Variants in CNTN1 observed in about 807,000 individuals in gnomAD.
The protein encoded by CNTN1 is contactin-1.
In CNTN1, 38 loss-of-function variants were observed where a neutral mutation model predicts 126.4. The ratio of observed to expected loss-of-function variants is 0.30; its 90% CI spans 0.23 to 0.39. The LOEUF (loss-of-function observed/expected upper bound fraction) is 0.39, where lower values mean the gene tolerates loss of function less well. Among genes scored for constraint, CNTN1 ranks in the 10% least tolerant of loss-of-function variants. The pLI, the probability that CNTN1 is intolerant of heterozygous loss-of-function variation, is 1.00. For synonymous variants in CNTN1, 413 were observed against 422.6 expected (o/e 0.98, Z 0.28); for missense variants, 1,009 against 1,248.4 (o/e 0.81, Z 2.89).
At position 41,016,915 on chromosome 12, in the gene CNTN1, C is replaced by T. The variant is rs761617535; in HGVS notation, c.2418C>T (p.Asp806=). The change falls in exon 19 of 24, where the codon GAC becomes GAT. Residue 806 remains aspartate (D), a splice_region_variant and synonymous_variant. Coordinates refer to ENST00000551295, the MANE Select transcript of CNTN1 (RefSeq NM_001843.4). The part of the protein sequence containing the change: ...SLVAVINSAQ[D]APSEAPTEVG... ...TAGCAGTCATTAATTCAGCACAAGA[C>T]GGTAGGTGAAAGAAAGACCTTCTTA... 1.8e-5 allele frequency: 29 copies of T among 1,611,982 alleles called. No individual in the cohort carries two copies. Among genetic ancestry groups the T allele is most frequent in the South Asian group, 5.5e-5 (5 of 91,024 alleles).
At chr12:40,850,857 C>T (rs1328130163) in intron 1 of CNTN1, among the ~76,000 whole-genome samples, 1 of 152,104 alleles carries the variant, frequency 6.6e-6, no homozygotes, top group African/African-American at 2.4e-5. Context: ...GATCAGTCCC[C>T]ATTTTATTCT....
intron 1 of CNTN1, among the ~76,000 whole-genome samples, chr12:40,749,026 G>A (rs1234780975): frequency 6.6e-6 from 1 of 152,038 alleles, no homozygotes; most frequent in South Asian, 2.1e-4. Flanking sequence ...TTTGATATTA[G>A]TGAATTATTT....
chr12:40,874,394 C>G (rs1476415360), intron 1 of CNTN1, among the ~76,000 whole-genome samples: 1 of 152,052 alleles, frequency 6.6e-6, no homozygotes, highest in Non-Finnish European at 1.5e-5. Flanking sequence ...ATTATAAACA[C>G]AATTGGAGCA....
At chr12:41,045,419 A>G (rs1054734237) in intron 23 of CNTN1, among the ~76,000 whole-genome samples, 14 of 152,152 alleles carry the variant, frequency 9.2e-5, no homozygotes, top group African/African-American at 3.4e-4. Flanking sequence ...CTGAGGTTTG[A>G]CACTTATTCA....
chr12:40,834,698 GA>G (rs1214326281), intron 1 of CNTN1, among the ~76,000 whole-genome samples: 2 of 152,082 alleles, frequency 1.3e-5, no homozygotes, highest in African/African-American at 4.8e-5. Context: ...AAATCGACAA[GA>G]ACAATAGAAA....
chr12:40,778,587 T>C (rs1158784608), intron 1 of CNTN1, among the ~76,000 whole-genome samples: 1 of 151,842 alleles, frequency 6.6e-6, no homozygotes, highest in Non-Finnish European at 1.5e-5. Context: ...TCATTTTGCC[T>C]TTCAAAGTAT....
intron 15 of CNTN1, among the ~76,000 whole-genome samples, chr12:40,973,489 G>A (rs940990275): frequency 1.3e-5 from 2 of 151,968 alleles, no homozygotes; most frequent in African/African-American, 2.4e-5. Flanking sequence ...AAAGTTTTTT[G>A]TTTCCTTAAC....
Position 40,795,282 on chromosome 12 carries a change from C to G in CNTN1, c.-77+102690C>G, listed in dbSNP as rs1940375144. 1.4e-4 allele frequency among the ~76,000 whole-genome samples: 3 copies of G among 22,012 alleles called. No individual in the cohort carries two copies. In the South Asian group the frequency reaches 8.4e-3, roughly 62 times the overall value. 14.4% of individuals were successfully genotyped at this position (22,012 alleles called of 152,430 possible). ...AAACATGTCTACATGTATACACACA[C>G]ACACACACACACACACACACACACA... On this transcript the variant is annotated intron_variant, in intron 1 of 23. Coordinates refer to ENST00000551295, the MANE Select transcript of CNTN1 (RefSeq NM_001843.4).
At chr12:40,991,644 A>G (rs1948097886) in intron 16 of CNTN1, among the ~76,000 whole-genome samples, 1 of 152,176 alleles carries the variant, frequency 6.6e-6, no homozygotes, top group African/African-American at 2.4e-5. Flanking sequence ...CCTGGCTAAC[A>G]CGGTGAAATG....
Position 40,810,555 on chromosome 12 carries a change from A to T in CNTN1, c.-76-97802A>T, listed in dbSNP as rs539670469. ...CTCCCCATTTCCACCACACCCTAAC[A>T]TCTAGTACCTAACCTTCTATTCTGT... On this transcript the variant is annotated intron_variant, in intron 1 of 23. Coordinates refer to ENST00000551295, the MANE Select transcript of CNTN1 (RefSeq NM_001843.4). Among the ~76,000 whole-genome samples the T allele has an allele frequency of 1.2e-3, 174 of 150,776 alleles. 1 individual carries two copies. The highest frequency in any genetic ancestry group is 4.1e-3 in the African/African-American group (170 of 40,994).
chr12:40,817,997 C>G (rs1941313864), intron 1 of CNTN1, among the ~76,000 whole-genome samples: 2 of 152,154 alleles, frequency 1.3e-5, no homozygotes, highest in South Asian at 4.1e-4. Flanking sequence ...GGCCCCCCAT[C>G]TCTTCTGGCT....
At chr12:41,065,620 G>C (rs552958386) in intron 23 of CNTN1, among the ~76,000 whole-genome samples, 1 of 152,150 alleles carries the variant, frequency 6.6e-6, no homozygotes, top group Non-Finnish European at 1.5e-5. Context: ...TTCTGAAGTG[G>C]GAATAGGAGA....
intron 23 of CNTN1, among the ~76,000 whole-genome samples, chr12:41,063,161 T>A (rs1359572625): frequency 6.6e-6 from 1 of 152,224 alleles, no homozygotes; most frequent in Non-Finnish European, 1.5e-5. Flanking sequence ...TAAAAATGGA[T>A]CCAGTACTCT....
chr12:40,824,086 G>A (rs1227200744), intron 1 of CNTN1, among the ~76,000 whole-genome samples: 1 of 151,980 alleles, frequency 6.6e-6, no homozygotes, highest in Non-Finnish European at 1.5e-5. Flanking sequence ...TACTCTCTTG[G>A]TGAAATCTTG....
chr12:40,880,662 C>T (rs1943841219), intron 1 of CNTN1, among the ~76,000 whole-genome samples: 1 of 151,954 alleles, frequency 6.6e-6, no homozygotes, highest in African/African-American at 2.4e-5. Flanking sequence ...TGTCAGAGAA[C>T]CCAGCTAAAG....
chr12:40,923,052 AAAAT>A (rs1945507879), intron 5 of CNTN1, among the ~76,000 whole-genome samples: 11 of 151,702 alleles, frequency 7.3e-5, no homozygotes, highest in African/African-American at 2.7e-4. Context: ...TAAGGGGGTG[AAAAT>A]TGTCTTTTGG....
chr12:40,933,498 G>T lies in CNTN1; in HGVS notation c.741G>T (p.Gln247His), dbSNP rs201982650. The T allele has an allele frequency of 6.2e-7, 1 of 1,611,860 alleles. No individual in the cohort carries two copies. Among genetic ancestry groups the T allele is most frequent in the Non-Finnish European group, 8.5e-7 (1 of 1,178,384 alleles). The change falls in exon 8 of 24, where the codon CAG becomes CAT. Residue 247 changes from glutamine to histidine, a missense_variant. Transcript: ENST00000551295. Reference sequence around the variant, plus strand: ...CATATCCTGCTGATATTGTAGTTCAGTTCAAGGATGTATATGCATTGATGG... The same window carrying T: ...CATATCCTGCTGATATTGTAGTTCATTTCAAGGATGTATATGCATTGATGG... ...TKPYPADIVV[Q>H]FKDVYALMGQ...
chr12:40,889,541 G>T (rs1376414882), intron 1 of CNTN1, among the ~76,000 whole-genome samples: 2 of 152,140 alleles, frequency 1.3e-5, no homozygotes, highest in African/African-American at 4.8e-5. Context: ...TTTCCCATGT[G>T]ATAGGTGTTG....
chr12:40,702,841 A>G (rs981535294), intron 1 of CNTN1, among the ~76,000 whole-genome samples: 14 of 152,214 alleles, frequency 9.2e-5, no homozygotes, highest in African/African-American at 3.1e-4. Context: ...CAGCACTTGC[A>G]TAGTAACCCT....
Sources: allele counts gnomAD v4.1 joint callset (sites outside exome capture counted in the v4.1 genomes callset), GRCh38; gene constraint gnomAD v4.1.1; transcripts MANE v1.5; gene names NCBI Gene and HGNC (gene_info 2026-07-23, HGNC 2026-07-21).